IGDCC3: variants seen among roughly 807,000 people sequenced by gnomAD.
IGDCC3 encodes the protein putative neuronal cell adhesion molecule.
IGDCC3 carries 47 observed loss-of-function variants against 72.0 expected under a neutral mutation model. The observed-to-expected ratio is 0.65, with a 90% CI of 0.52 to 0.83. The LOEUF (loss-of-function observed/expected upper bound fraction) is 0.83. Ranked by LOEUF, IGDCC3 falls within the 40% of genes least tolerant of loss-of-function variation. IGDCC3 has a pLI of 0.00. For missense variants in IGDCC3, 1,038 were observed against 1,091.3 expected (o/e 0.95, Z 0.69); for synonymous variants, 477 against 472.8 (o/e 1.01, Z -0.11).
rs769917647 is a variant in IGDCC3, at chr15:65,334,947, G to A, written c.686-82C>T. On this transcript the variant is annotated intron_variant, in intron 4 of 13. Coordinates refer to ENST00000327987, the MANE Select transcript of IGDCC3 (RefSeq NM_004884.4). The stretch of plus-strand genomic sequence containing the variant: ...CCCCACCCACAGCCCAGGACACAGC[G>A]GGTGGGAAACAAACACCAGCCCAGA... 6 of 1,462,000 alleles carry A rather than the reference G, an allele frequency of 4.1e-6. No homozygotes were observed. The South Asian group carries it at 5.5e-5, about 13-fold the overall frequency. 90.6% of individuals were successfully genotyped at this position (1,462,000 alleles called of 1,614,324 possible).
chr15:65,338,230 TTTCCC>T (rs566150115), intron 2 of IGDCC3, among the ~76,000 whole-genome samples: 186 of 152,348 alleles, frequency 1.2e-3, no homozygotes, highest in African/African-American at 4.4e-3. Flanking sequence ...CCTGCTCACA[TTTCCC>T]TTCCGTCAGA....
In IGDCC3 at chr15:65,329,486, G is replaced by T. The variant is rs188140078; in HGVS notation, c.2109C>A (p.Gly703=). ...CACGTTTCTCGTCTCGGCCCAGCTG[G>T]CCCCGCTGTCCCCGTCTCGCCCCAT... ...ALNGARRGQR[G]QLGRDEKRVD... is the part of the protein sequence containing the mutation. The change falls in exon 13 of 14, where the codon GGC becomes GGA. Residue 703 remains glycine, a synonymous_variant. Transcript: ENST00000327987. This position sits in a 1 kb window ranked among gnomAD's most constrained non-coding sequence, Gnocchi z 4.1. 575 of 1,610,138 alleles carry T rather than the reference G, an allele frequency of 3.6e-4. No homozygotes were observed. The highest frequency in any genetic ancestry group is 4.4e-4 in the Non-Finnish European group (515 of 1,178,818).
rs951200285 is a variant in IGDCC3 at position 65,330,758 on chromosome 15, A to C, written c.1562-17T>G. The C allele has an allele frequency of 1.9e-6, 3 of 1,578,744 alleles. No homozygotes were observed. In the African/African-American group the frequency reaches 4.0e-5, roughly 21 times the overall value. Reference sequence around the variant, plus strand: ...GGGCAGGGGCTGCAGGTAGAGAAGGAGGCCACGATGTGAGGACCCAGTGGA... The same window carrying C: ...GGGCAGGGGCTGCAGGTAGAGAAGGCGGCCACGATGTGAGGACCCAGTGGA... On this transcript the variant is annotated splice_polypyrimidine_tract_variant and intron_variant, in intron 9 of 13. Coordinates refer to ENST00000327987, the MANE Select transcript of IGDCC3 (RefSeq NM_004884.4).
intron 2 of IGDCC3, chr15:65,355,861 T>TC (rs2091216476): frequency 2.8e-6 from 1 of 355,786 alleles, no homozygotes; most frequent in African/African-American, 2.2e-5. Flanking sequence ...CGCCACCCCC[T>TC]CCCCCAGAGC....
In IGDCC3 at chr15:65,332,039, G is replaced by C; in HGVS notation, c.1050C>G (p.Thr350=). The C allele has an allele frequency of 6.2e-7, 1 of 1,614,210 alleles. No individual in the cohort carries two copies. The highest frequency in any genetic ancestry group is 8.5e-7 in the Non-Finnish European group (1 of 1,180,028). The change falls in exon 7 of 14, where the codon ACC becomes ACG. Residue 350 remains threonine (T), a synonymous_variant. Coordinates refer to ENST00000327987, the MANE Select transcript of IGDCC3 (RefSeq NM_004884.4). ...SRPAGTTAMF[T]CQAQGEPPPH... ...GCGGTGGCTCACCCTGGGCTTGGCA[G>C]GTGAACATGGCTGTGGTCCCAGCTG...
intron 2 of IGDCC3, among the ~76,000 whole-genome samples, chr15:65,371,358 T>A (rs2140172598): frequency 6.6e-6 from 1 of 151,538 alleles, no homozygotes; most frequent in East Asian, 1.9e-4. Context: ...AGGGCACTGA[T>A]CATTGAGTGG....
At position 65,331,095 on chromosome 15, in the gene IGDCC3, C is replaced by A. The variant is rs752536685; in HGVS notation, c.1516G>T (p.Ala506Ser). The A allele has an allele frequency of 6.2e-7, 1 of 1,614,096 alleles. No individual in the cohort carries two copies. The highest frequency in any genetic ancestry group is 8.5e-7 in the Non-Finnish European group (1 of 1,180,016). ...FYIKAYTPRGASSASVPTLAS... is the reference protein window; with the variant it reads ...FYIKAYTPRGSSSASVPTLAS... ...AGGGTGGGCACAGAGGCTGAGCTGG[C>A]CCCCCTTGGTGTGTAGGCCTTGATG... Residue 506 changes from alanine (A) to serine (S), a missense_variant, in exon 9 of 14, where the codon GCC becomes TCC. Coordinates refer to ENST00000327987, the MANE Select transcript of IGDCC3 (RefSeq NM_004884.4).
intron 2 of IGDCC3, among the ~76,000 whole-genome samples, chr15:65,352,823 G>A (rs2140157084): frequency 6.6e-6 from 1 of 152,322 alleles, no homozygotes; most frequent in African/African-American, 2.4e-5. Context: ...GTAAAAATGG[G>A]AAACTGGACA....
Position 65,375,148 on chromosome 15 carries a change from G to T in IGDCC3, c.358C>A (p.Gln120Lys), listed in dbSNP as rs140190903. ...SDEGDYECVA[Q>K]NRFGLVVSRK... ...CTGACCACCAGCCCAAAGCGGTTCTGGGCCACACACTCATAGTCACCTTCA... is the reference window on the plus strand; with the variant it reads ...CTGACCACCAGCCCAAAGCGGTTCTTGGCCACACACTCATAGTCACCTTCA... Residue 120 changes from glutamine (Q) to lysine (K), a missense_variant, in exon 2 of 14, where the codon CAG (glutamine) becomes AAG (lysine). Coordinates refer to ENST00000327987, the MANE Select transcript of IGDCC3 (RefSeq NM_004884.4). 3.6e-5 allele frequency: 58 copies of T among 1,614,040 alleles called. 1 individual carries two copies. The highest frequency in any genetic ancestry group is 4.3e-5 in the Non-Finnish European group (51 of 1,180,048).
chr15:65,374,153 G>A lies in IGDCC3; in HGVS notation c.409+944C>T, dbSNP rs2091343844. Reference sequence around the variant, plus strand: ...TCTGTCTCAAAAAAAGAAAAAAAATGTTAGCTAGAATTGTTACCAACAATA... The same window carrying A: ...TCTGTCTCAAAAAAAGAAAAAAAATATTAGCTAGAATTGTTACCAACAATA... On this transcript the variant is annotated intron_variant, in intron 2 of 13. Transcript: ENST00000327987. 4 of 152,226 alleles carry A rather than the reference G, an allele frequency of 2.6e-5. No homozygotes were observed. In the South Asian group the frequency reaches 8.3e-4, roughly 32 times the overall value. The allele number at this position is 152,226 out of a possible 1,614,324, so 9.4% of individuals were successfully genotyped here.
intron 2 of IGDCC3, among the ~76,000 whole-genome samples, chr15:65,363,521 G>T (rs962021929): frequency 6.6e-6 from 1 of 152,208 alleles, no homozygotes; most frequent in African/African-American, 2.4e-5. Context: ...CCCCGTGGGC[G>T]TGTAATTCCA....
intron 5 of IGDCC3, among the ~76,000 whole-genome samples, chr15:65,334,383 G>T (rs1340495109): frequency 6.6e-6 from 1 of 152,106 alleles, no homozygotes; most frequent in Non-Finnish European, 1.5e-5. Context: ...GAGTATAGAG[G>T]GCAGGAGTTA....
At chr15:65,332,285 G>A (rs1177660152) in intron 6 of IGDCC3, among the ~76,000 whole-genome samples, 179 bp from the exon 7 acceptor site, 2 of 152,196 alleles carry the variant, frequency 1.3e-5, no homozygotes, top group Non-Finnish European at 2.9e-5. Flanking sequence ...CCCAGCTCAG[G>A]AGATGGCCCA....
At chr15:65,335,197 G>T in intron 4 of IGDCC3, 94 bp downstream of exon 4, 1 of 1,368,908 alleles carries the variant, frequency 7.3e-7, no homozygotes, top group Non-Finnish European at 1.0e-6. Flanking sequence ...GGCTGAGAAG[G>T]CTGCAGAGGC....
rs1320304741 is a variant in IGDCC3 at position 65,329,188 on chromosome 15, C to T, written c.2206-40G>A. The T allele has an allele frequency of 1.3e-6, 2 of 1,568,262 alleles. No individual in the cohort carries two copies. The highest frequency in any genetic ancestry group is 2.4e-5 in the South Asian group (2 of 83,804). On this transcript the variant is annotated intron_variant, in intron 13 of 13. Transcript: ENST00000327987. The surrounding 1 kb of genome is among the most constrained non-coding windows in gnomAD (Gnocchi z 4.1). Reference sequence around the variant, plus strand: ...CGTCACACAGGCGTCAGCTTGAGGGCCAGGGCGCCAGGCTCCAACTCACCC... The same window carrying T: ...CGTCACACAGGCGTCAGCTTGAGGGTCAGGGCGCCAGGCTCCAACTCACCC...
intron 5 of IGDCC3, among the ~76,000 whole-genome samples, chr15:65,334,184 C>G (rs549814881): frequency 2.0e-5 from 3 of 152,160 alleles, no homozygotes; most frequent in African/African-American, 7.2e-5. Flanking sequence ...GTTTCCTTCC[C>G]GAGTGACCTT....
intron 2 of IGDCC3, chr15:65,355,634 C>G (rs2091212596): frequency 2.9e-6 from 1 of 342,856 alleles, no homozygotes; most frequent in African/African-American, 2.2e-5. Flanking sequence ...CGGCCCGCGG[C>G]TAATCCCCGC....
rs781349847 is a variant in IGDCC3, at chr15:65,329,118, C to T, written c.2236G>A (p.Glu746Lys). The T allele has an allele frequency of 1.2e-6, 2 of 1,610,476 alleles. No homozygotes were observed. Among genetic ancestry groups the T allele is most frequent in the African/African-American group, 1.3e-5 (1 of 75,016 alleles). Residue 746 changes from glutamate to lysine, a missense_variant, in exon 14 of 14, where the codon GAG becomes AAG. Transcript: ENST00000327987. The surrounding 1 kb of genome is among the most constrained non-coding windows in gnomAD (Gnocchi z 4.1). ...AGTGGCAGCACGGAGAGCTGGGTCT[C>T]CTCACACGGAGCGGGGGCTGCAGGA... ...QDPAAPAPCE[E>K]TQLSVLPLQG...
chr15:65,367,660 G>T (rs2091296326), intron 2 of IGDCC3, among the ~76,000 whole-genome samples: 1 of 152,050 alleles, frequency 6.6e-6, no homozygotes, highest in Non-Finnish European at 1.5e-5. Context: ...GTGTCCCAGG[G>T]CTTGCCCCAC....
Sources: allele counts gnomAD v4.1 joint callset (sites outside exome capture counted in the v4.1 genomes callset), GRCh38; gene constraint gnomAD v4.1.1; non-coding constraint Gnocchi (gnomAD v3.1); transcripts MANE v1.5; gene names NCBI Gene and HGNC (gene_info 2026-07-23, HGNC 2026-07-21).